FGF14: variants seen among roughly 807,000 people sequenced by gnomAD.
FGF14 encodes the protein fibroblast growth factor 14.
In FGF14, 5 loss-of-function variants were observed where a neutral mutation model predicts 25.5. The ratio of observed to expected loss-of-function variants is 0.20; its 90% confidence interval spans 0.10 to 0.41. The LOEUF is 0.41. Among genes scored for constraint, FGF14 ranks in the 10% least tolerant of loss-of-function variants. The pLI, the probability that FGF14 is intolerant of heterozygous loss-of-function variation, is 1.00. For missense variants in FGF14, 222 were observed against 320.1 expected (o/e 0.69, Z 2.34); for synonymous variants, 138 against 118.3 (o/e 1.17, Z -1.08).
At chr13:102,374,691 T>TATAC in intron 1 of FGF14, among the ~76,000 whole-genome samples, 5 of 112,628 alleles carry the variant, frequency 4.4e-5, no homozygotes, top group Non-Finnish European at 9.5e-5. Flanking sequence ...TATATATATA[T>TATAC]ATATATGTCA....
At chr13:102,387,384 T>C (rs2058329309) in intron 1 of FGF14, among the ~76,000 whole-genome samples, 1 of 152,082 alleles carries the variant, frequency 6.6e-6, no homozygotes, top group South Asian at 2.1e-4. Flanking sequence ...GTATCTCCTC[T>C]AAGCAATGAT....
chr13:102,067,491 A>T (rs143237591), intron 1 of FGF14, among the ~76,000 whole-genome samples: 1,613 of 152,072 alleles, frequency 0.011, 26 homozygotes, highest in African/African-American at 0.037. Context: ...GCACAAAAAA[A>T]AAGATCCACT....
intron 3 of FGF14, among the ~76,000 whole-genome samples, chr13:101,851,329 G>T (rs1484404315): frequency 6.6e-6 from 1 of 151,958 alleles, no homozygotes; most frequent in Non-Finnish European, 1.5e-5. Context: ...CTCAGCATGG[G>T]AGAAGTATGG....
intron 1 of FGF14, among the ~76,000 whole-genome samples, chr13:102,128,659 C>A (rs1221869366): frequency 6.6e-6 from 1 of 152,182 alleles, no homozygotes; most frequent in African/African-American, 2.4e-5. Flanking sequence ...GCATGAAGCT[C>A]ATTCTAGGTC....
chr13:101,764,912 A>T (rs536684232), intron 3 of FGF14, among the ~76,000 whole-genome samples: 4 of 152,322 alleles, frequency 2.6e-5, no homozygotes, highest in Admixed American at 2.6e-4. Context: ...ATACCACTAA[A>T]TGATAGTGAT....
chr13:102,113,901 A>G (rs1343158788), intron 1 of FGF14, among the ~76,000 whole-genome samples: 1 of 152,244 alleles, frequency 6.6e-6, no homozygotes, highest in Non-Finnish European at 1.5e-5. Flanking sequence ...TCCAAGAAAC[A>G]GAAATTCAAG....
Position 102,352,236 on chromosome 13 carries a change from C to A in FGF14, c.208+49235G>T, listed in dbSNP as rs1187755870. Among the ~76,000 whole-genome samples the A allele has an allele frequency of 3.8e-5, 5 of 131,528 alleles. No homozygotes were observed. The Admixed American group carries it at 4.1e-4, about 11-fold the overall frequency. The allele number at this position is 131,528 out of a possible 152,430, so 86.3% of individuals were successfully genotyped here. On this transcript the variant is annotated intron_variant, in intron 1 of 4. Coordinates refer to the FGF14 transcript ENST00000376131. ...TACCCAAACAACCACAATATCTGTA[C>A]CTTTATACACACACACACACACACA...
intron 1 of FGF14, among the ~76,000 whole-genome samples, chr13:102,175,294 C>A (rs1355275037): frequency 6.6e-6 from 1 of 152,022 alleles, no homozygotes; most frequent in Non-Finnish European, 1.5e-5. Context: ...AAGCCACCTA[C>A]CTACAGCCAA....
chr13:102,390,800 G>C (rs1210135059), intron 1 of FGF14, among the ~76,000 whole-genome samples: 1 of 152,114 alleles, frequency 6.6e-6, no homozygotes, highest in Non-Finnish European at 1.5e-5. Context: ...AAGCAAAAGA[G>C]TAATATAATT....
rs142485222 is a variant in FGF14 at position 101,951,946 on chromosome 13, A to T, written c.209-76650T>A. On this transcript the variant is annotated intron_variant, in intron 1 of 4. Transcript: ENST00000376131. ...AATATTTGAGTATGGCCAATATATC[A>T]ACTCTAGTGTTTACAGAATTTTCCA... 3.7e-4 allele frequency among the ~76,000 whole-genome samples: 56 copies of T among 152,314 alleles called. 1 individual carries two copies. The highest frequency in any genetic ancestry group is 1.3e-3 in the African/African-American group (53 of 41,570).
At chr13:102,347,031 G>A (rs2057128682) in intron 1 of FGF14, among the ~76,000 whole-genome samples, 1 of 152,158 alleles carries the variant, frequency 6.6e-6, no homozygotes, top group South Asian at 2.1e-4. Context: ...TAGGAGGTCT[G>A]GAGCCCATGT....
chr13:102,332,163 T>A (rs1348523690), intron 1 of FGF14, among the ~76,000 whole-genome samples: 5 of 152,056 alleles, frequency 3.3e-5, no homozygotes, highest in African/African-American at 1.2e-4. Flanking sequence ...TTTGTAGAGA[T>A]AGGAAAAGAT....
chr13:101,989,685 A>G (rs2038790753), intron 1 of FGF14, among the ~76,000 whole-genome samples: 1 of 152,176 alleles, frequency 6.6e-6, no homozygotes, highest in South Asian at 2.1e-4. Flanking sequence ...TAGATTTAGT[A>G]GCATTTTAAA....
intron 1 of FGF14, among the ~76,000 whole-genome samples, chr13:102,007,684 C>T (rs1325368649): frequency 6.6e-6 from 1 of 152,166 alleles, no homozygotes; most frequent in Non-Finnish European, 1.5e-5. Flanking sequence ...CCTGTGAGAG[C>T]TCACTCTGAA....
chr13:102,161,640 GA>G (rs1357471659), intron 1 of FGF14, among the ~76,000 whole-genome samples: 4 of 10,232 alleles, frequency 3.9e-4, no homozygotes, highest in Admixed American at 1.4e-3. Context: ...AGAAGAAGAA[GA>G]AGAAGAAGAA....
chr13:102,258,646 C>CCCAA (rs2052566602), intron 1 of FGF14, among the ~76,000 whole-genome samples: 1 of 152,158 alleles, frequency 6.6e-6, no homozygotes, highest in South Asian at 2.1e-4. Flanking sequence ...CATCCCTGAG[C>CCCAA]CCAAGCTCCC....
chr13:102,312,247 T>G (rs564506916), intron 1 of FGF14, among the ~76,000 whole-genome samples: 84 of 144,940 alleles, frequency 5.8e-4, no homozygotes, highest in African/African-American at 2.0e-3. Context: ...AAAGGCAAAC[T>G]CTGCTTGCTC....
chr13:102,120,798 G>A (rs1337648183), intron 1 of FGF14, among the ~76,000 whole-genome samples: 1 of 151,322 alleles, frequency 6.6e-6, no homozygotes, highest in Non-Finnish European at 1.5e-5. Context: ...CCACCTTCCA[G>A]GCTCAAGCGA....
chr13:101,933,384 G>C (rs967436210), intron 1 of FGF14, among the ~76,000 whole-genome samples: 3 of 152,144 alleles, frequency 2.0e-5, no homozygotes, highest in African/African-American at 7.2e-5. Flanking sequence ...TTTGCTAACT[G>C]TCTTTGTGAA....
Sources: allele counts gnomAD v4.1 joint callset (sites outside exome capture counted in the v4.1 genomes callset), GRCh38; gene constraint gnomAD v4.1.1; transcripts MANE v1.5; gene names NCBI Gene and HGNC (gene_info 2026-07-23, HGNC 2026-07-21).